AGBL1: variants seen among roughly 807,000 people sequenced by gnomAD.
AGBL1 encodes the protein cytosolic carboxypeptidase 4.
A neutral mutation model predicts 118.9 loss-of-function variants in AGBL1; 130 were observed. That is an observed-to-expected ratio of 1.09 (90% CI 0.95 to 1.26). The LOEUF is 1.26. AGBL1 is among the 50% of genes most tolerant of loss of function. AGBL1 has a pLI of 0.00. For missense variants in AGBL1, 1,584 were observed against 1,298.1 expected (o/e 1.22, Z -3.38); for synonymous variants, 555 against 478.9 (o/e 1.16, Z -2.08).
chr15:87,020,651 C>A (rs181565069), intron 24 of AGBL1, among the ~76,000 whole-genome samples: 1 of 152,178 alleles, frequency 6.6e-6, no homozygotes, highest in South Asian at 2.1e-4. Flanking sequence ...TCAGCAAAGT[C>A]TCAGGATACA....
intron 5 of AGBL1, among the ~76,000 whole-genome samples, chr15:86,211,405 T>C (rs1035171948): frequency 5.3e-5 from 8 of 152,082 alleles, no homozygotes; most frequent in Non-Finnish European, 1.2e-4. Context: ...TCTGCAGAAG[T>C]TTTTGCTGCC....
At chr15:86,148,972 TC>T (rs2141670452) in intron 3 of AGBL1, among the ~76,000 whole-genome samples, 1 of 152,306 alleles carries the variant, frequency 6.6e-6, no homozygotes, top group Non-Finnish European at 1.5e-5. Context: ...GGGCCAATAT[TC>T]AACATTCTTA....
chr15:86,160,435 A>T (rs1327633130), intron 5 of AGBL1, among the ~76,000 whole-genome samples: 1 of 151,990 alleles, frequency 6.6e-6, no homozygotes, highest in East Asian at 1.9e-4. Context: ...TTCTCCCCCC[A>T]CTTCCTGGGG....
At chr15:86,748,413 T>G (rs2077790558) in intron 22 of AGBL1, among the ~76,000 whole-genome samples, 1 of 151,716 alleles carries the variant, frequency 6.6e-6, no homozygotes, top group Non-Finnish European at 1.5e-5. Flanking sequence ...TGCAAAACTT[T>G]TCTCCCATTC....
At chr15:86,425,129 T>G (rs2081850575) in intron 18 of AGBL1, among the ~76,000 whole-genome samples, 1 of 152,140 alleles carries the variant, frequency 6.6e-6, no homozygotes, top group Admixed American at 6.5e-5. Flanking sequence ...AGCAAACACT[T>G]GGAACCAACC....
chr15:86,154,595 T>G, intron 4 of AGBL1, 34 bp downstream of exon 4: 1 of 1,580,318 alleles, frequency 6.3e-7, no homozygotes, highest in South Asian at 1.2e-5. Context: ...CGGGGATGGC[T>G]TCCAAACCTG....
At chr15:86,106,893 C>T (rs1414041666) in intron 1 of AGBL1, among the ~76,000 whole-genome samples, 1 of 152,158 alleles carries the variant, frequency 6.6e-6, no homozygotes, top group African/African-American at 2.4e-5. Flanking sequence ...CTCCTAACTC[C>T]CTGCTGGCAG....
chr15:86,958,689 A>C (rs1480489348), intron 23 of AGBL1, among the ~76,000 whole-genome samples: 1 of 152,178 alleles, frequency 6.6e-6, no homozygotes, highest in African/African-American at 2.4e-5. Context: ...ACTTTCTATA[A>C]ATCGATCTTA....
At chr15:86,958,139 A>G (rs1365989501) in intron 23 of AGBL1, among the ~76,000 whole-genome samples, 1 of 150,614 alleles carries the variant, frequency 6.6e-6, no homozygotes, top group East Asian at 2.0e-4. Flanking sequence ...AAAGAATTGG[A>G]GGCTGCAGTA....
intron 18 of AGBL1, among the ~76,000 whole-genome samples, chr15:86,470,103 T>C (rs933318389): frequency 1.3e-5 from 2 of 152,196 alleles, no homozygotes; most frequent in Admixed American, 1.3e-4. Flanking sequence ...CCATTTTTGC[T>C]TTTATTGCCT....
intron 20 of AGBL1, among the ~76,000 whole-genome samples, chr15:86,550,753 C>A (rs956036931): frequency 6.6e-6 from 1 of 151,782 alleles, no homozygotes; most frequent in South Asian, 2.1e-4. Context: ...TTACATATAG[C>A]AGTTCTTTTC....
At chr15:86,136,551 G>A (rs755616616) in intron 1 of AGBL1, among the ~76,000 whole-genome samples, 2 of 152,202 alleles carry the variant, frequency 1.3e-5, no homozygotes, top group Non-Finnish European at 2.9e-5. Flanking sequence ...AAAAGGAACT[G>A]GAGCTGAGAA....
At position 86,944,769 on chromosome 15, in the gene AGBL1, TATC is replaced by T. The variant is rs575994419; in HGVS notation, c.3222-43214_3222-43212del. ...ACATTAGAAAACAAGTAGAATTAATTATCATCTTTTACTCAGCAATTCCATTTT... is the reference window on the plus strand; with the variant it reads ...ACATTAGAAAACAAGTAGAATTAATTATCTTTTACTCAGCAATTCCATTTT... On this transcript the variant is annotated intron_variant, in intron 23 of 24. Transcript: ENST00000441037. Among the ~76,000 whole-genome samples the T allele has an allele frequency of 1.4e-3, 207 of 152,346 alleles. 1 individual carries two copies. The highest frequency in any genetic ancestry group is 4.8e-3 in the African/African-American group (198 of 41,578).
At chr15:86,215,277 C>T (rs2141899753) in intron 5 of AGBL1, among the ~76,000 whole-genome samples, 1 of 145,794 alleles carries the variant, frequency 6.9e-6, no homozygotes, top group South Asian at 2.3e-4. Context: ...TTTTATGCAT[C>T]CTGCTAGTCC....
chr15:86,493,756 T>G (rs1268379149), intron 18 of AGBL1, among the ~76,000 whole-genome samples: 1 of 152,050 alleles, frequency 6.6e-6, no homozygotes, highest in African/African-American at 2.4e-5. Flanking sequence ...GACACATCTC[T>G]AAACATCATC....
chr15:86,592,015 A>T (rs2084343617), intron 21 of AGBL1, among the ~76,000 whole-genome samples: 1 of 152,186 alleles, frequency 6.6e-6, no homozygotes, highest in South Asian at 2.1e-4. Context: ...TATATTTTAC[A>T]ATATCACAAT....
At chr15:86,311,608 T>G (rs1415906464) in intron 17 of AGBL1, among the ~76,000 whole-genome samples, 1 of 152,168 alleles carries the variant, frequency 6.6e-6, no homozygotes, top group Non-Finnish European at 1.5e-5. Flanking sequence ...CTTCCTATTT[T>G]TTTTCTTTTT....
In AGBL1 at chr15:86,627,805, A is replaced by T. The variant is rs142127432; in HGVS notation, c.2995-46468A>T. On this transcript the variant is annotated intron_variant, in intron 21 of 22. Coordinates refer to ENST00000614907, the MANE Select transcript of AGBL1 (RefSeq NM_001386094.1). ...GCAGGGACCTCAGGGGTTGAGAAGGATTGAGACAAAGCCTTTGGAAATGCT... is the reference window on the plus strand; with the variant it reads ...GCAGGGACCTCAGGGGTTGAGAAGGTTTGAGACAAAGCCTTTGGAAATGCT... Among the ~76,000 whole-genome samples, 1,375 of 152,288 alleles carry T rather than the reference A, an allele frequency of 9.0e-3. 20 individuals are homozygous for T. Among genetic ancestry groups the T allele is most frequent in the South Asian group, 0.036 (174 of 4,816 alleles).
intron 20 of AGBL1, among the ~76,000 whole-genome samples, chr15:86,548,663 GCACACACACACACACACA>G (rs61362688): frequency 4.9e-5 from 7 of 142,694 alleles, no homozygotes; most frequent in Admixed American, 4.3e-4. Context: ...ACACATGCAC[GCACACACACACACACACA>G]CACACACACA....
Sources: allele counts gnomAD v4.1 joint callset (sites outside exome capture counted in the v4.1 genomes callset), GRCh38; gene constraint gnomAD v4.1.1; transcripts MANE v1.5; gene names NCBI Gene and HGNC (gene_info 2026-07-23, HGNC 2026-07-21).